GRM7: variants seen among roughly 807,000 people sequenced by gnomAD.
GRM7 encodes glutamate metabotropic receptor 7.
A neutral mutation model predicts 84.5 loss-of-function variants in GRM7; 35 were observed. The ratio of observed to expected loss-of-function variants is 0.41; its 90% CI spans 0.32 to 0.55. The LOEUF (loss-of-function observed/expected upper bound fraction) is 0.55, where lower values mean the gene tolerates loss of function less well. GRM7 is among the 20% of genes least tolerant of loss of function. The probability of loss-of-function intolerance (pLI) is 0.19; values close to 1 mark genes in which losing one functional copy is unlikely to be tolerated. For missense variants in GRM7, 1,003 were observed against 1,194.6 expected, an observed-to-expected ratio of 0.84 and a Z score of 2.36; for synonymous variants, 487 against 455.1, an observed-to-expected ratio of 1.07 and a Z score of -0.89.
chr3:6,995,088 G>A (rs1009123595), intron 1 of GRM7, among the ~76,000 whole-genome samples: 1 of 152,102 alleles, frequency 6.6e-6, no homozygotes, highest in Non-Finnish European at 1.5e-5. Flanking sequence ...ATGCTTGTTG[G>A]CATCATAAAA....
chr3:6,955,438 G>A (rs1418076260), intron 1 of GRM7, among the ~76,000 whole-genome samples: 1 of 152,040 alleles, frequency 6.6e-6, no homozygotes, highest in Non-Finnish European at 1.5e-5. Flanking sequence ...TCAGGAGACT[G>A]AGGCAGGAGA....
At chr3:7,558,032 A>G (rs960143600) in intron 7 of GRM7, among the ~76,000 whole-genome samples, 2 of 141,376 alleles carry the variant, frequency 1.4e-5, no homozygotes, top group Admixed American at 6.8e-5. Flanking sequence ...TGTTGTCATA[A>G]ATGCATTAAA....
At chr3:6,934,918 C>G (rs1439686073) in intron 1 of GRM7, among the ~76,000 whole-genome samples, 1 of 152,118 alleles carries the variant, frequency 6.6e-6, no homozygotes, top group Non-Finnish European at 1.5e-5. Context: ...GTTGCGAAAA[C>G]AATAATGGGC....
chr3:7,463,297 A>G (rs537185262), intron 7 of GRM7, among the ~76,000 whole-genome samples: 1 of 152,368 alleles, frequency 6.6e-6, no homozygotes, highest in East Asian at 1.9e-4. Context: ...CACCAACTTC[A>G]GATGGGGTCT....
chr3:7,346,715 A>C (rs542512152), intron 4 of GRM7, among the ~76,000 whole-genome samples: 3 of 152,306 alleles, frequency 2.0e-5, no homozygotes, highest in African/African-American at 7.2e-5. Flanking sequence ...ACGTACTACC[A>C]GTGAACTCAG....
chr3:7,346,028 G>A (rs1372360418), intron 4 of GRM7, among the ~76,000 whole-genome samples: 5 of 151,988 alleles, frequency 3.3e-5, no homozygotes, highest in South Asian at 2.1e-4. Flanking sequence ...GATTGCAAAT[G>A]GTGCAAATTA....
intron 8 of GRM7, among the ~76,000 whole-genome samples, chr3:7,594,211 CT>C (rs1418763750): frequency 1.3e-5 from 2 of 152,094 alleles, no homozygotes; most frequent in Non-Finnish European, 2.9e-5. Flanking sequence ...GCCTCCTAGG[CT>C]TTTTAAAAAA....
rs574136773 is a variant in GRM7 at position 7,682,858 on chromosome 3, C to G, written c.2698+2563C>G. ...ATTGAAATAGGCATTATGCGGAATG[C>G]TTTGTGTGGAATGTCCCACTTACTC... On this transcript the variant is annotated intron_variant, in intron 9 of 9. Transcript: ENST00000357716. Among the ~76,000 whole-genome samples, 35 of 152,244 alleles carry G rather than the reference C, an allele frequency of 2.3e-4. 1 individual carries two copies. The highest frequency in any genetic ancestry group is 7.9e-4 in the African/African-American group (33 of 41,540).
At chr3:7,537,595 G>A (rs977951827) in intron 7 of GRM7, among the ~76,000 whole-genome samples, 3 of 152,110 alleles carry the variant, frequency 2.0e-5, no homozygotes, top group African/African-American at 4.8e-5. Flanking sequence ...TTCATGTTGT[G>A]TTTACCAAAA....
intron 9 of GRM7, among the ~76,000 whole-genome samples, chr3:7,703,211 C>G (rs997440259): frequency 1.3e-5 from 2 of 152,158 alleles, no homozygotes; most frequent in African/African-American, 4.8e-5. Context: ...GGACCAGAAG[C>G]ATCGGCAATG....
intron 7 of GRM7, among the ~76,000 whole-genome samples, chr3:7,532,811 AAAAAAAAAAAAG>A (rs1701092148): frequency 6.7e-6 from 1 of 150,172 alleles, no homozygotes; most frequent in Non-Finnish European, 1.5e-5. Flanking sequence ...AGCAAAAAAA[AAAAAAAAAAAAG>A]CAGGGGTTGC....
chr3:7,647,516 T>C (rs1210510037), intron 8 of GRM7, among the ~76,000 whole-genome samples: 4 of 152,102 alleles, frequency 2.6e-5, no homozygotes, highest in Non-Finnish European at 4.4e-5. Context: ...GTGGACTATA[T>C]TGAGGAGGCT....
At chr3:7,629,705 G>A (rs998387626) in intron 8 of GRM7, among the ~76,000 whole-genome samples, 4 of 152,186 alleles carry the variant, frequency 2.6e-5, no homozygotes, top group South Asian at 2.1e-4. Context: ...GGTAGCCAGA[G>A]CTTGCCGTCT....
chr3:7,068,898 G>A (rs1173305552), intron 1 of GRM7, among the ~76,000 whole-genome samples: 2 of 151,838 alleles, frequency 1.3e-5, no homozygotes, highest in East Asian at 3.9e-4. Flanking sequence ...TTTTACTCAT[G>A]AATTAAAGAC....
intron 7 of GRM7, among the ~76,000 whole-genome samples, chr3:7,490,954 T>C (rs1247525527): frequency 1.3e-5 from 2 of 151,798 alleles, no homozygotes; most frequent in Non-Finnish European, 2.9e-5. Flanking sequence ...AAAATTGTAT[T>C]ATCTAAAATA....
intron 2 of GRM7, among the ~76,000 whole-genome samples, chr3:7,271,651 C>T (rs1698869102): frequency 1.3e-5 from 2 of 151,596 alleles, no homozygotes; most frequent in Admixed American, 1.3e-4. Flanking sequence ...AACAAGGTCC[C>T]TAGCTGATTC....
At chr3:7,410,471 G>C (rs535201009) in intron 4 of GRM7, among the ~76,000 whole-genome samples, 2 of 151,976 alleles carry the variant, frequency 1.3e-5, no homozygotes, top group Non-Finnish European at 2.9e-5. Flanking sequence ...TACCCAGGAG[G>C]CTGAGGTGGG....
intron 9 of GRM7, among the ~76,000 whole-genome samples, chr3:7,716,324 A>G (rs1701768311): frequency 6.6e-6 from 1 of 152,134 alleles, no homozygotes; most frequent in Admixed American, 6.5e-5. Context: ...TTGTTCCACA[A>G]CCTAAGGGCT....
intron 7 of GRM7, among the ~76,000 whole-genome samples, chr3:7,572,222 G>T (rs776207928): frequency 3.3e-5 from 5 of 152,102 alleles, no homozygotes; most frequent in African/African-American, 1.2e-4. Flanking sequence ...TTAGTTCAGT[G>T]GTTCCCAACT....
Sources: gnomAD v4.1 joint callset for allele counts (sites outside exome capture counted in the v4.1 genomes callset) on GRCh38, gnomAD v4.1.1 for gene constraint, MANE v1.5 for transcripts, NCBI Gene and HGNC (gene_info 2026-07-23, HGNC 2026-07-21) for gene names.